SRL: variants seen among roughly 807,000 people sequenced by gnomAD.
SRL encodes the protein sarcalumenin.
SRL carries 23 observed loss-of-function variants against 39.5 expected under a neutral mutation model. The ratio of observed to expected loss-of-function variants is 0.58; its 90% CI spans 0.42 to 0.82. SRL has a LOEUF of 0.82. SRL is among the 40% of genes least tolerant of loss of function. The pLI is 0.00. For synonymous variants in SRL, 272 were observed against 237.4 expected (o/e 1.15, Z -1.34); for missense variants, 592 against 607.8 (o/e 0.97, Z 0.27).
chr16:4,220,291 A>ACG (rs2052508834), intron 1 of SRL, among the ~76,000 whole-genome samples: 1 of 151,406 alleles, frequency 6.6e-6, no homozygotes, highest in African/African-American at 2.4e-5. Context: ...ACACACACAC[A>ACG]CACACACACA....
At chr16:4,204,416 C>T in intron 2 of SRL, 117 bp downstream of exon 2, 1 of 921,602 alleles carries the variant, frequency 1.1e-6, no homozygotes, top group Non-Finnish European at 1.7e-6. Flanking sequence ...TAGATACAGC[C>T]CCGGCCTCCA....
intron 1 of SRL, among the ~76,000 whole-genome samples, chr16:4,230,170 G>C (rs2052643213): frequency 6.6e-6 from 1 of 152,018 alleles, no homozygotes; most frequent in African/African-American, 2.4e-5. Context: ...CTCTGCCTGA[G>C]CCAGTCCTCC....
At chr16:4,228,719 A>G (rs1435460208) in intron 1 of SRL, among the ~76,000 whole-genome samples, 1 of 151,802 alleles carries the variant, frequency 6.6e-6, no homozygotes, top group Non-Finnish European at 1.5e-5. Context: ...TGGGTGACAG[A>G]GCAAGACTCC....
At chr16:4,238,713 C>T (rs2052739664) in intron 1 of SRL, among the ~76,000 whole-genome samples, 1 of 151,806 alleles carries the variant, frequency 6.6e-6, no homozygotes, top group African/African-American at 2.4e-5. Flanking sequence ...AGCCTGACCA[C>T]CCAGGTTCAT....
At chr16:4,208,686 T>C (rs2052356487) in intron 1 of SRL, among the ~76,000 whole-genome samples, 1 of 152,188 alleles carries the variant, frequency 6.6e-6, no homozygotes, top group African/African-American at 2.4e-5. Flanking sequence ...GCTTAAGGGA[T>C]TACTTGTGGC....
At chr16:4,198,399 A>G (rs530280878) in intron 3 of SRL, among the ~76,000 whole-genome samples, 1 of 152,120 alleles carries the variant, frequency 6.6e-6, no homozygotes, top group African/African-American at 2.4e-5. Flanking sequence ...GGGCTCCCCA[A>G]ATTCCCAATA....
At chr16:4,201,237 C>T (rs2052225450) in intron 3 of SRL, among the ~76,000 whole-genome samples, 1 of 151,802 alleles carries the variant, frequency 6.6e-6, no homozygotes. Context: ...CCTCAGCCTC[C>T]CGAGTAGCTG....
chr16:4,200,000 T>G lies in SRL; in HGVS notation c.260-2085A>C, dbSNP rs573091509. Among the ~76,000 whole-genome samples, 48 of 151,854 alleles carry G rather than the reference T, an allele frequency of 3.2e-4. No individual in the cohort carries two copies. The South Asian group carries it at 1.0e-2, about 31-fold the overall frequency. ...GCGTGAGCCCCCACACCCGGCCCCA[T>G]CTTTTTACAGAGAGCGTTGCCATAT... On this transcript the variant is annotated intron_variant, in intron 3 of 5. Transcript: ENST00000399609.
intron 1 of SRL, among the ~76,000 whole-genome samples, chr16:4,206,451 CT>C (rs1452461063): frequency 1.3e-5 from 2 of 152,200 alleles, no homozygotes; most frequent in Non-Finnish European, 2.9e-5. Context: ...GGCTGAGGCA[CT>C]GGCATGGGCT....
intron 1 of SRL, among the ~76,000 whole-genome samples, chr16:4,208,789 G>A (rs957995353): frequency 6.6e-6 from 1 of 152,146 alleles, no homozygotes; most frequent in Non-Finnish European, 1.5e-5. Context: ...TACATGGCCT[G>A]AGGAGGAGAT....
intron 1 of SRL, among the ~76,000 whole-genome samples, chr16:4,205,945 C>A (rs909299546): frequency 6.8e-5 from 10 of 146,548 alleles, no homozygotes; most frequent in African/African-American, 7.5e-5. Context: ...GACCTTGTCT[C>A]AAAAAAAAAA....
rs1247862090 is a variant in SRL, at chr16:4,190,164, G to A, written c.*1989C>T. On this transcript the variant is annotated 3_prime_UTR_variant, in exon 6 of 6. Transcript: ENST00000399609. ...GTCCAGGCCCTCCACAAAGCCAAAC[G>A]CAACGGCCCCTGTGACAGCATGCAC... The A allele has an allele frequency of 1.5e-5, 6 of 397,686 alleles. No individual in the cohort carries two copies. The highest frequency in any genetic ancestry group is 2.2e-5 in the Non-Finnish European group (5 of 226,050). 24.6% of individuals were successfully genotyped at this position (397,686 alleles called of 1,614,324 possible).
intron 3 of SRL, among the ~76,000 whole-genome samples, chr16:4,201,712 G>A (rs1461086925): frequency 2.9e-5 from 4 of 137,254 alleles, no homozygotes; most frequent in Non-Finnish European, 4.6e-5. Context: ...CTGGAGTGCA[G>A]TGGCACAATC....
chr16:4,198,651 T>C (rs1377404980), intron 3 of SRL, among the ~76,000 whole-genome samples: 3 of 152,106 alleles, frequency 2.0e-5, no homozygotes, highest in African/African-American at 7.2e-5. Flanking sequence ...TCTTGCAACG[T>C]TGCTCAGGCT....
intron 1 of SRL, among the ~76,000 whole-genome samples, chr16:4,217,595 A>G (rs1245023790): frequency 6.6e-6 from 1 of 152,022 alleles, no homozygotes; most frequent in Non-Finnish European, 1.5e-5. Flanking sequence ...CTGTCTTACT[A>G]CCCAGCGAAG....
At position 4,195,571 on chromosome 16, in the gene SRL, G is replaced by T. The variant is rs1054627779; in HGVS notation, c.592C>A (p.Arg198Ser). The T allele has an allele frequency of 6.2e-7, 1 of 1,614,128 alleles. No homozygotes were observed. Among genetic ancestry groups the T allele is most frequent in the East Asian group, 2.2e-5 (1 of 44,882 alleles). ...FVDTPGIIEN[R>S]KQQERGYPFN... is the part of the protein sequence containing the mutation. ...AAATTACCTCTTTCTTGCTGCTTGC[G>T]GTTCTCGATGATGCCTGGTGTATCC... The change falls in exon 5 of 6, where the codon CGC becomes AGC. Residue 198 changes from arginine (R) to serine (S), a missense_variant. Physicochemically the swap from Arg to Ser is moderately radical, Grantham distance 110. Coordinates refer to ENST00000399609, the MANE Select transcript of SRL (RefSeq NM_001098814.2).
At position 4,190,079 on chromosome 16, in the gene SRL, A is replaced by G; in HGVS notation, c.*2074T>C. 1 of 394,980 alleles carries G rather than the reference A, an allele frequency of 2.5e-6. No individual in the cohort carries two copies. The highest frequency in any genetic ancestry group is 4.5e-6 in the Non-Finnish European group (1 of 224,508). 24.5% of individuals were successfully genotyped at this position (394,980 alleles called of 1,614,324 possible). A position where few individuals can be genotyped will look rare whatever the true frequency, so the allele number is the denominator to read the frequency against. On this transcript the variant is annotated 3_prime_UTR_variant, in exon 6 of 6. Transcript: ENST00000399609. ...AGAACTCACTGTTCTTTCCTGGTCG[A>G]CTCGTTCCTTGGAAACATTGTCCTG...
intron 1 of SRL, chr16:4,206,904 T>G (rs982916552): frequency 2.2e-5 from 10 of 456,428 alleles, no homozygotes; most frequent in African/African-American, 1.8e-4. Flanking sequence ...TGCACCTTCC[T>G]GGGGTTCCCT....
chr16:4,204,291 T>C (rs949589617), intron 2 of SRL, among the ~76,000 whole-genome samples: 8 of 150,890 alleles, frequency 5.3e-5, no homozygotes, highest in African/African-American at 1.9e-4. Flanking sequence ...TGGCCCTTCC[T>C]CCTCTGTGCC....
Sources: gnomAD v4.1 joint callset for allele counts (sites outside exome capture counted in the v4.1 genomes callset) on GRCh38, gnomAD v4.1.1 for gene constraint, MANE v1.5 for transcripts, NCBI Gene and HGNC (gene_info 2026-07-23, HGNC 2026-07-21) for gene names.